IL21R: variants seen among roughly 807,000 people sequenced by gnomAD.
IL21R encodes the protein interleukin-21 receptor.
A neutral mutation model predicts 41.3 loss-of-function variants in IL21R; 14 were observed. The observed-to-expected ratio is 0.34, with a 90% confidence interval of 0.22 to 0.53. The LOEUF (loss-of-function observed/expected upper bound fraction) is 0.53, where lower values mean the gene tolerates loss of function less well. Ranked by LOEUF, IL21R falls within the 20% of genes least tolerant of loss-of-function variation. IL21R has a pLI of 0.94. For synonymous variants in IL21R, 286 were observed against 287.6 expected (o/e 0.99, Z 0.05); for missense variants, 588 against 681.6 (o/e 0.86, Z 1.53).
chr16:27,426,556 C>A (rs144642972), intron 1 of IL21R, among the ~76,000 whole-genome samples: 8 of 152,198 alleles, frequency 5.3e-5, no homozygotes, highest in Non-Finnish European at 2.9e-5. Flanking sequence ...AGATGCATGA[C>A]GAAGCCTGGG....
At chr16:27,410,403 T>G (rs562206063) in intron 1 of IL21R, among the ~76,000 whole-genome samples, 1 of 152,338 alleles carries the variant, frequency 6.6e-6, no homozygotes, top group South Asian at 2.1e-4. Context: ...TTGATGCTGA[T>G]GTAAATGGCA....
Position 27,437,736 on chromosome 16 carries a change from A to G in IL21R, c.352+49A>G, listed in dbSNP as rs1257494009. ...TTAGGGTGGCACTCAATCTTAGCTC[A>G]CCGCAGCCCTGACCTCTCTGGGCTC... On this transcript the variant is annotated intron_variant, in intron 4 of 8. Transcript: ENST00000337929. 2.7e-6 allele frequency: 4 copies of G among 1,506,638 alleles called. No homozygotes were observed. In the African/African-American group the frequency reaches 5.5e-5, roughly 21 times the overall value. 93.3% of individuals were successfully genotyped at this position (1,506,638 alleles called of 1,614,324 possible).
rs779223620 is a variant in IL21R at position 27,446,002 on chromosome 16, C to G, written c.786-5C>G. 3.7e-6 allele frequency: 6 copies of G among 1,610,572 alleles called. No individual in the cohort carries two copies. The Admixed American group carries it at 1.0e-4, about 27-fold the overall frequency. On this transcript the variant is annotated splice_region_variant and splice_polypyrimidine_tract_variant and intron_variant, in intron 7 of 8. Coordinates refer to ENST00000337929, the MANE Select transcript of IL21R (RefSeq NM_181078.3). Reference sequence around the variant, plus strand: ...CAGGGTCCTCACCCCTCTCTGCCCCCTCAGGCTATGGAAGAAGATATGGGC... The same window carrying G: ...CAGGGTCCTCACCCCTCTCTGCCCCGTCAGGCTATGGAAGAAGATATGGGC...
At chr16:27,420,445 C>T (rs1188898821) in intron 1 of IL21R, among the ~76,000 whole-genome samples, 1 of 152,226 alleles carries the variant, frequency 6.6e-6, no homozygotes, top group Non-Finnish European at 1.5e-5. Context: ...CACCATTTTA[C>T]ATTCTCACCC....
rs2087590941 is a variant in IL21R, at chr16:27,451,164, T to A, written c.*1881T>A. The A allele has an allele frequency of 4.4e-6, 1 of 228,918 alleles. No homozygotes were observed. Among genetic ancestry groups the A allele is most frequent in the South Asian group, 1.8e-4 (1 of 5,524 alleles). 14.2% of individuals were successfully genotyped at this position (228,918 alleles called of 1,614,324 possible). On this transcript the variant is annotated 3_prime_UTR_variant, in exon 9 of 9. Transcript: ENST00000337929. ...CACCTGCACCCTAGGGACTCTTGGG[T>A]CCAGATGTGCTGTGGTTTTCACACC...
chr16:27,440,248 T>TGTATATATATATAG (rs2087359348), intron 4 of IL21R, among the ~76,000 whole-genome samples: 1 of 64,032 alleles, frequency 1.6e-5, no homozygotes, highest in Non-Finnish European at 2.7e-5. Context: ...TATATATATA[T>TGTATATATATATAG]AGAGAGAGAG....
Position 27,444,602 on chromosome 16 carries a change from T to A in IL21R, c.568T>A (p.Phe190Ile). 6.3e-7 allele frequency: 1 copy of A among 1,579,332 alleles called. No individual in the cohort carries two copies. Among genetic ancestry groups the A allele is most frequent in the Non-Finnish European group, 8.6e-7 (1 of 1,163,202 alleles). Reference sequence around the variant, plus strand: ...AAGTGTCTCCCTCCTCCCCCTGGAGTTCCGCAAAGACTCGAGCTATGAGCT... The same window carrying A: ...AAGTGTCTCCCTCCTCCCCCTGGAGATCCGCAAAGACTCGAGCTATGAGCT... ...SRSVSLLPLE[F>I]RKDSSYELQV... The change falls in exon 6 of 9, where the codon TTC (phenylalanine) becomes ATC (isoleucine). Residue 190 changes from phenylalanine to isoleucine, a missense_variant. Physicochemically the swap from Phe to Ile is conservative, Grantham distance 21. Coordinates refer to ENST00000337929, the MANE Select transcript of IL21R (RefSeq NM_181078.3).
intron 5 of IL21R, 78 bp from the exon 6 acceptor site, chr16:27,444,464 A>T: frequency 9.8e-7 from 1 of 1,015,382 alleles, no homozygotes; most frequent in Non-Finnish European, 1.4e-6. Context: ...GGAAGCTGGG[A>T]AAAGAGGTGG....
chr16:27,443,782 CAAA>C (rs34976912), intron 5 of IL21R, among the ~76,000 whole-genome samples: 2 of 126,078 alleles, frequency 1.6e-5, no homozygotes, highest in Non-Finnish European at 3.4e-5. Context: ...GACTCGATCT[CAAA>C]AAAAAAAAAA....
At chr16:27,427,609 T>C (rs558538859) in intron 1 of IL21R, among the ~76,000 whole-genome samples, 2 of 152,314 alleles carry the variant, frequency 1.3e-5, no homozygotes, top group Admixed American at 1.3e-4. Flanking sequence ...CTTGCTATGT[T>C]GGTCAAGCTG....
Position 27,437,593 on chromosome 16 carries a change from C to G in IL21R, c.258C>G (p.Phe86Leu). The change falls in exon 4 of 9, where the codon TTC (phenylalanine) becomes TTG (leucine). Residue 86 changes from phenylalanine to leucine, a missense_variant. Transcript: ENST00000337929. ...CCTACACCTGCCACATGGATGTATT[C>G]CACTTCATGGCCGACGACATTTTCA... Reference protein sequence around the residue: ...HATYTCHMDVFHFMADDIFSV... With the variant: ...HATYTCHMDVLHFMADDIFSV... The G allele has an allele frequency of 6.2e-7, 1 of 1,614,230 alleles. No individual in the cohort carries two copies. The highest frequency in any genetic ancestry group is 8.5e-7 in the Non-Finnish European group (1 of 1,180,022).
At chr16:27,414,055 G>A (rs2086858702) in intron 1 of IL21R, among the ~76,000 whole-genome samples, 1 of 151,650 alleles carries the variant, frequency 6.6e-6, no homozygotes, top group Non-Finnish European at 1.5e-5. Flanking sequence ...TCTTATCATT[G>A]CCTTATTATG....
chr16:27,449,536 G>C lies in IL21R; in HGVS notation c.*253G>C. 2 of 551,632 alleles carry C rather than the reference G, an allele frequency of 3.6e-6. No individual in the cohort carries two copies. Among genetic ancestry groups the C allele is most frequent in the Non-Finnish European group, 6.4e-6 (2 of 311,690 alleles). 34.2% of individuals were successfully genotyped at this position (551,632 alleles called of 1,614,324 possible). A position where few individuals can be genotyped will look rare whatever the true frequency, so the allele number is the denominator to read the frequency against. On this transcript the variant is annotated 3_prime_UTR_variant, in exon 9 of 9. Coordinates refer to ENST00000337929, the MANE Select transcript of IL21R (RefSeq NM_181078.3). The stretch of plus-strand genomic sequence containing the variant: ...GTGATTGCACGTGCCTGTGGGCCTG[G>C]GATAATGCCCATGGTACTCCATGCA...
chr16:27,403,827 C>T (rs544565962), intron 1 of IL21R, among the ~76,000 whole-genome samples: 2 of 152,340 alleles, frequency 1.3e-5, no homozygotes, highest in Admixed American at 1.3e-4. Context: ...GGCTCTGGCC[C>T]CCCCAGTGCC....
At chr16:27,431,554 A>G (rs1596583424) in intron 2 of IL21R, among the ~76,000 whole-genome samples, 1 of 152,160 alleles carries the variant, frequency 6.6e-6, no homozygotes, top group East Asian at 1.9e-4. Context: ...AGACTGGGTA[A>G]TTTATAAATA....
At chr16:27,405,800 G>A (rs2086735109) in intron 1 of IL21R, among the ~76,000 whole-genome samples, 1 of 152,220 alleles carries the variant, frequency 6.6e-6, no homozygotes, top group African/African-American at 2.4e-5. Context: ...AGTAAACTTG[G>A]AACTTCTGAA....
chr16:27,416,337 C>T (rs2086893497), intron 1 of IL21R, among the ~76,000 whole-genome samples: 1 of 152,098 alleles, frequency 6.6e-6, no homozygotes, highest in Non-Finnish European at 1.5e-5. Context: ...TGGGTCTTGC[C>T]ATGTTGTCCA....
intron 1 of IL21R, among the ~76,000 whole-genome samples, chr16:27,412,243 A>G (rs1289141378): frequency 6.6e-6 from 1 of 152,044 alleles, no homozygotes; most frequent in Non-Finnish European, 1.5e-5. Flanking sequence ...TCATTTGACT[A>G]TATACACAAG....
In IL21R at chr16:27,448,612, G is replaced by T; in HGVS notation, c.946G>T (p.Val316Leu). The change falls in exon 9 of 9, where the codon GTG becomes TTG. Residue 316 changes from valine to leucine, a missense_variant. Coordinates refer to ENST00000337929, the MANE Select transcript of IL21R (RefSeq NM_181078.3). The part of the protein sequence containing the change: ...WSPEVPSTLE[V>L]YSCHPPRSPA... ...CCCAGAGGTGCCCTCCACCCTGGAGGTGTACAGCTGCCACCCACCACGGAG... is the reference window on the plus strand; with the variant it reads ...CCCAGAGGTGCCCTCCACCCTGGAGTTGTACAGCTGCCACCCACCACGGAG... 1.2e-6 allele frequency: 2 copies of T among 1,613,100 alleles called. No homozygotes were observed. Among genetic ancestry groups the T allele is most frequent in the African/African-American group, 1.3e-5 (1 of 75,036 alleles).
Sources: gnomAD v4.1 joint callset for allele counts (sites outside exome capture counted in the v4.1 genomes callset) on GRCh38, gnomAD v4.1.1 for gene constraint, MANE v1.5 for transcripts, NCBI Gene and HGNC (gene_info 2026-07-23, HGNC 2026-07-21) for gene names.